FBXL13: variants seen among roughly 807,000 people sequenced by gnomAD.
FBXL13 encodes the protein F-box and leucine-rich repeat protein 13.
In FBXL13, 67 loss-of-function variants were observed where a neutral mutation model predicts 83.6. That is an observed-to-expected ratio of 0.80 (90% confidence interval 0.66 to 0.98). The LOEUF is 0.98. Ranked by LOEUF, FBXL13 falls within the 50% of genes least tolerant of loss-of-function variation. The probability of loss-of-function intolerance (pLI) is 0.00; values close to 1 mark genes in which losing one functional copy is unlikely to be tolerated. For synonymous variants in FBXL13, 272 were observed against 299.5 expected (o/e 0.91, Z 0.95); for missense variants, 822 against 866.5 (o/e 0.95, Z 0.64).
intron 6 of FBXL13, among the ~76,000 whole-genome samples, chr7:102,994,325 T>A (rs1258850591): frequency 1.3e-5 from 2 of 152,104 alleles, no homozygotes; most frequent in East Asian, 1.9e-4. Context: ...CCTTGTTTTT[T>A]TAAGGACAGG....
chr7:102,843,289 C>G (rs563609634), intron 17 of FBXL13, among the ~76,000 whole-genome samples: 2 of 152,014 alleles, frequency 1.3e-5, no homozygotes, highest in African/African-American at 2.4e-5. Context: ...ACTAAAAATA[C>G]AAAATTACCT....
chr7:102,984,237 T>C (rs754310708), intron 6 of FBXL13, among the ~76,000 whole-genome samples: 7 of 152,152 alleles, frequency 4.6e-5, no homozygotes, highest in Non-Finnish European at 1.0e-4. Context: ...AAACCAATTC[T>C]AAAAACTCAT....
chr7:103,028,633 A>G, exon 4 of FBXL13: 1 of 1,595,550 alleles, frequency 6.3e-7, no homozygotes, highest in South Asian at 1.2e-5. Context: ...TCCATATAAG[A>G]GTGCCAGTGA....
chr7:102,824,650 T>A (rs1799306370), intron 18 of FBXL13, among the ~76,000 whole-genome samples: 1 of 152,144 alleles, frequency 6.6e-6, no homozygotes, highest in Non-Finnish European at 1.5e-5. Context: ...CACGCCCAAC[T>A]AATTTTTGTA....
chr7:102,971,238 G>C (rs185265476), intron 6 of FBXL13, among the ~76,000 whole-genome samples: 3 of 152,256 alleles, frequency 2.0e-5, no homozygotes, highest in African/African-American at 7.2e-5. Flanking sequence ...ACATAAGGTG[G>C]AAGTCAGCAG....
chr7:102,835,662 T>C (rs1801796410), intron 17 of FBXL13, among the ~76,000 whole-genome samples: 1 of 108,282 alleles, frequency 9.2e-6, no homozygotes, highest in Non-Finnish European at 1.6e-5. Context: ...CAGGCTGGAG[T>C]GCAGTGGCGC....
rs114875508 is a variant in FBXL13, at chr7:102,894,515, T to C, written c.1009-10203A>G. On this transcript the variant is annotated intron_variant, in intron 11 of 19. Coordinates refer to ENST00000313221, the Ensembl canonical transcript of FBXL13. ...GAGGTGGGAGGATTGCTTGAGCCCA[T>C]GAGTTTTAGACTGGCCTGGACAACA... 3.7e-3 allele frequency among the ~76,000 whole-genome samples: 564 copies of C among 151,946 alleles called. 5 individuals carry two copies. Among genetic ancestry groups the C allele is most frequent in the African/African-American group, 0.013 (557 of 41,426 alleles).
chr7:103,073,484 CAATAATAATGATGAT>C (rs892185203), intron 1 of FBXL13, among the ~76,000 whole-genome samples: 8 of 99,114 alleles, frequency 8.1e-5, no homozygotes, highest in Non-Finnish European at 1.8e-4. Context: ...CCCCGTGTCT[CAATAATAATGATGAT>C]AATAATAATA....
intron 19 of FBXL13, 141 bp downstream of exon 20, chr7:102,821,899 A>T: frequency 1.1e-6 from 1 of 899,896 alleles, no homozygotes. Context: ...TCACAATGTT[A>T]GCTTCAATTA....
chr7:102,983,421 CCTTTTTTT>C (rs1828517302), intron 6 of FBXL13, among the ~76,000 whole-genome samples: 1 of 145,444 alleles, frequency 6.9e-6, no homozygotes, highest in Non-Finnish European at 1.5e-5. Flanking sequence ...TCTTTTTTCC[CCTTTTTTT>C]TTTTTTTTTG....
intron 17 of FBXL13, among the ~76,000 whole-genome samples, chr7:102,847,653 A>T (rs1288096715): frequency 1.3e-5 from 2 of 151,760 alleles, no homozygotes; most frequent in African/African-American, 4.8e-5. Context: ...CAGCCTCCGG[A>T]GTAGCTGGGA....
At chr7:103,052,955 C>T (rs1796977060) in intron 2 of FBXL13, among the ~76,000 whole-genome samples, 3 of 151,732 alleles carry the variant, frequency 2.0e-5, no homozygotes, top group Admixed American at 1.3e-4. Flanking sequence ...CAGGATTTCA[C>T]CATGTTGGCC....
At chr7:103,051,464 CGA>C (rs1294074645) in intron 2 of FBXL13, among the ~76,000 whole-genome samples, 1 of 152,040 alleles carries the variant, frequency 6.6e-6, no homozygotes, top group South Asian at 2.1e-4. Flanking sequence ...CTCTGAAATC[CGA>C]GAGAGAGCTT....
intron 8 of FBXL13, among the ~76,000 whole-genome samples, chr7:102,962,734 A>C (rs1283808910): frequency 1.3e-5 from 2 of 151,724 alleles, no homozygotes; most frequent in East Asian, 3.9e-4. Context: ...TTGCAAGAAC[A>C]AAAAACCAAA....
chr7:103,053,093 T>A (rs1331843330), intron 2 of FBXL13, among the ~76,000 whole-genome samples: 1 of 151,870 alleles, frequency 6.6e-6, no homozygotes, highest in African/African-American at 2.4e-5. Flanking sequence ...AGGTTTGAAG[T>A]AGCTATGATG....
At chr7:102,885,711 A>G (rs1336204189) in intron 11 of FBXL13, among the ~76,000 whole-genome samples, 1 of 152,074 alleles carries the variant, frequency 6.6e-6, no homozygotes, top group African/African-American at 2.4e-5. Context: ...GGTCATGAAG[A>G]TTTACCTCCT....
chr7:102,884,175 T>C (rs1810479087), intron 12 of FBXL13, 39 bp downstream of exon 13: 6 of 1,389,202 alleles, frequency 4.3e-6, no homozygotes, highest in Non-Finnish European at 6.1e-6. Flanking sequence ...ATATCTATCT[T>C]ATGGGACAGA....
At chr7:102,926,430 C>T (rs1287445571) in intron 9 of FBXL13, 56 bp from the exon 11 acceptor site, 1 of 1,363,928 alleles carries the variant, frequency 7.3e-7, no homozygotes, top group African/African-American at 1.5e-5. Flanking sequence ...TTTGCAATTT[C>T]CCCATTATCT....
intron 10 of FBXL13, among the ~76,000 whole-genome samples, chr7:102,924,132 G>T (rs1255861135): frequency 6.6e-6 from 1 of 151,906 alleles, no homozygotes; most frequent in Admixed American, 6.6e-5. Context: ...CAGCTACTTG[G>T]GAGGCTGAGG....
Sources: gnomAD v4.1 joint callset for allele counts (sites outside exome capture counted in the v4.1 genomes callset) on GRCh38, gnomAD v4.1.1 for gene constraint, MANE v1.5 for transcripts, NCBI Gene and HGNC (gene_info 2026-07-23, HGNC 2026-07-21) for gene names.